Variants in GRAMD2A observed in about 807,000 individuals in gnomAD.
GRAMD2A encodes GRAM domain containing 2A.
GRAMD2A carries 37 observed loss-of-function variants against 51.1 expected under a neutral mutation model. The ratio of observed to expected loss-of-function variants is 0.72; its 90% CI spans 0.56 to 0.95. The LOEUF (loss-of-function observed/expected upper bound fraction) is 0.95. GRAMD2A is among the 40% of genes least tolerant of loss of function. The pLI, the probability that GRAMD2A is intolerant of heterozygous loss-of-function variation, is 0.00. For missense variants in GRAMD2A, 414 were observed against 426.9 expected, an observed-to-expected ratio of 0.97 and a Z score of 0.27; for synonymous variants, 136 against 157.1, an observed-to-expected ratio of 0.87 and a Z score of 1.01.
chr15:72,189,409 A>T (rs1454183184), intron 1 of GRAMD2A, among the ~76,000 whole-genome samples: 1 of 152,242 alleles, frequency 6.6e-6, no homozygotes, highest in Non-Finnish European at 1.5e-5. Context: ...GATGGATTAT[A>T]TCAATGTCAA....
chr15:72,191,107 C>A (rs557515016), intron 1 of GRAMD2A, among the ~76,000 whole-genome samples: 1 of 152,284 alleles, frequency 6.6e-6, no homozygotes, highest in East Asian at 1.9e-4. Flanking sequence ...GCCCATACCA[C>A]GATTTTGAAA....
At chr15:72,163,521 G>A (rs749728138) in intron 9 of GRAMD2A, 45 bp from the exon 10 acceptor site, 1 of 1,600,484 alleles carries the variant, frequency 6.2e-7, no homozygotes, top group Non-Finnish European at 8.5e-7. Context: ...CAGAAGCCCT[G>A]CTGGCTGTGG....
chr15:72,165,419 G>T lies in GRAMD2A; in HGVS notation c.544-9C>A. 6.2e-7 allele frequency: 1 copy of T among 1,613,884 alleles called. No homozygotes were observed. The highest frequency in any genetic ancestry group is 1.7e-5 in the Admixed American group (1 of 60,026). ...CTCTTCTTGCTGGAAGGCTGAGGAG[G>T]AAAGGGAACAGCAGTCACTTGTCCA... On this transcript the variant is annotated splice_polypyrimidine_tract_variant and intron_variant, in intron 7 of 11. Transcript: ENST00000309731.
intron 1 of GRAMD2A, among the ~76,000 whole-genome samples, chr15:72,184,258 G>A (rs982360789): frequency 6.6e-6 from 1 of 152,204 alleles, no homozygotes; most frequent in Non-Finnish European, 1.5e-5. Context: ...TATTTTCTGC[G>A]CCTGCCTTGG....
At position 72,170,012 on chromosome 15, in the gene GRAMD2A, C is replaced by A. The variant is rs1596684522; in HGVS notation, c.42-73G>T. 1.3e-5 allele frequency: 14 copies of A among 1,072,036 alleles called. No individual in the cohort carries two copies. In the East Asian group the frequency reaches 3.3e-4, roughly 25 times the overall value. The allele number at this position is 1,072,036 out of a possible 1,614,324, so 66.4% of individuals were successfully genotyped here. Reference sequence around the variant, plus strand: ...CTTTCCCTAACAGCCCCACCATGCCCATGGCCGCTGCCTCTGGCCCCCACC... The same window carrying A: ...CTTTCCCTAACAGCCCCACCATGCCAATGGCCGCTGCCTCTGGCCCCCACC... On this transcript the variant is annotated intron_variant, in intron 1 of 11. Transcript: ENST00000309731. This position sits in a 1 kb window ranked among gnomAD's most constrained non-coding sequence, Gnocchi z 4.5.
intron 8 of GRAMD2A, among the ~76,000 whole-genome samples, chr15:72,165,133 T>C (rs957447091): frequency 6.6e-6 from 1 of 152,110 alleles, no homozygotes; most frequent in Non-Finnish European, 1.5e-5. Flanking sequence ...AGCAAGACTC[T>C]GTCGTCCAAA....
chr15:72,194,125 T>C (rs1048620563), intron 1 of GRAMD2A, among the ~76,000 whole-genome samples: 11 of 152,182 alleles, frequency 7.2e-5, no homozygotes, highest in Non-Finnish European at 1.5e-4. Context: ...TCCAGGTGAA[T>C]AGCGCACAGT....
At chr15:72,179,703 G>A (rs1213427557) in intron 1 of GRAMD2A, among the ~76,000 whole-genome samples, 1 of 152,198 alleles carries the variant, frequency 6.6e-6, no homozygotes, top group Non-Finnish European at 1.5e-5. Flanking sequence ...AGTCTGGGGT[G>A]GGGCTGGGGA....
intron 1 of GRAMD2A, among the ~76,000 whole-genome samples, chr15:72,183,096 C>T (rs780989468): frequency 6.6e-6 from 1 of 152,004 alleles, no homozygotes; most frequent in South Asian, 2.1e-4. Flanking sequence ...TGGTCTCAAA[C>T]TTCTGGCCTC....
intron 1 of GRAMD2A, among the ~76,000 whole-genome samples, chr15:72,171,098 C>G (rs1477370106): frequency 6.6e-6 from 1 of 152,208 alleles, no homozygotes; most frequent in Non-Finnish European, 1.5e-5. Flanking sequence ...TGACCTCACC[C>G]ACAAAATCAG....
chr15:72,191,682 T>C (rs893981533), intron 1 of GRAMD2A, among the ~76,000 whole-genome samples: 3 of 152,184 alleles, frequency 2.0e-5, no homozygotes, highest in African/African-American at 7.2e-5. Flanking sequence ...AAGCACACAA[T>C]ACCATCAGAA....
chr15:72,166,961 A>C lies in GRAMD2A; in HGVS notation c.471+33T>G. ...GGGCTGTCAGGGCTGGGAGCGGGAG[A>C]CTGACAAGGGAGCATGGGCCCAGTG... On this transcript the variant is annotated intron_variant, in intron 6 of 11. Transcript: ENST00000309731. The surrounding 1 kb of genome is among the most constrained non-coding windows in gnomAD (Gnocchi z 4.1). The C allele has an allele frequency of 1.3e-6, 2 of 1,533,084 alleles. No homozygotes were observed. The highest frequency in any genetic ancestry group is 1.1e-5 in the South Asian group (1 of 89,506). 95.0% of individuals were successfully genotyped at this position (1,533,084 alleles called of 1,614,324 possible).
rs143161369 is a variant in GRAMD2A, at chr15:72,168,594, A to G, written c.193-28T>C. 4.5e-4 allele frequency: 712 copies of G among 1,597,626 alleles called. 1 individual carries two copies. Among genetic ancestry groups the G allele is most frequent in the Non-Finnish European group, 5.7e-4 (666 of 1,165,488 alleles). ...GCAAACACACAGGCTGCGTCTGAGA[A>G]GCGCTGGGAGATGAGACCGCCAAAG... is the stretch of plus-strand genomic sequence containing the variant. On this transcript the variant is annotated intron_variant, in intron 3 of 11. Coordinates refer to ENST00000309731, the MANE Select transcript of GRAMD2A (RefSeq NM_001012642.3).
At chr15:72,183,627 T>A (rs1244134994) in intron 1 of GRAMD2A, among the ~76,000 whole-genome samples, 1 of 149,644 alleles carries the variant, frequency 6.7e-6, no homozygotes. Context: ...ATCGGCAGTT[T>A]GAGACCAGCC....
intron 1 of GRAMD2A, among the ~76,000 whole-genome samples, chr15:72,191,374 A>AT (rs1316337690): frequency 2.6e-5 from 4 of 151,710 alleles, no homozygotes; most frequent in African/African-American, 7.3e-5. Context: ...TAATTTTTGT[A>AT]TTTTTTTTAG....
chr15:72,162,283 G>A lies in GRAMD2A; in HGVS notation c.1051C>T (p.Pro351Ser). 6.2e-7 allele frequency: 1 copy of A among 1,612,128 alleles called. No individual in the cohort carries two copies. Among genetic ancestry groups the A allele is most frequent in the East Asian group, 2.2e-5 (1 of 44,870 alleles). ...GAGAAAAGGCCTCACCTGTGCCCAG[G>A]GACTGGGTCATCCCAACTCAAGGAG... ...LCSLSWDDPV[P>S]GHR The change falls in exon 11 of 12, where the codon CCT (proline) becomes TCT (serine). Residue 351 changes from proline (P) to serine (S), a missense_variant. Transcript: ENST00000309731.
chr15:72,178,516 G>A (rs1455679575), intron 1 of GRAMD2A, among the ~76,000 whole-genome samples: 1 of 151,418 alleles, frequency 6.6e-6, no homozygotes, highest in Non-Finnish European at 1.5e-5. Flanking sequence ...GAAGATAAAA[G>A]GTAATTTCCT....
intron 8 of GRAMD2A, 24 bp from the exon 9 acceptor site, chr15:72,163,781 T>A: frequency 6.2e-7 from 1 of 1,605,884 alleles, no homozygotes; most frequent in Non-Finnish European, 8.5e-7. Flanking sequence ...GGAGAAGCTA[T>A]CTTACCATGG....
At position 72,167,756 on chromosome 15, in the gene GRAMD2A, G is replaced by C. The variant is rs761370019; in HGVS notation, c.352C>G (p.Leu118Val). The C allele has an allele frequency of 2.5e-6, 4 of 1,613,552 alleles. No individual in the cohort carries two copies. In the South Asian group the frequency reaches 4.4e-5, roughly 18 times the overall value. The change falls in exon 5 of 12, where the codon CTC becomes GTC. Residue 118 changes from leucine to valine, a missense_variant. Physicochemically the swap from Leu to Val is conservative, Grantham distance 32. Coordinates refer to ENST00000309731, the MANE Select transcript of GRAMD2A (RefSeq NM_001012642.3). ...SPNWLCFHAS[L>V]FGKDIKVVIP... ...ACTACCTTGATATCCTTGCCAAAGA[G>C]GCTGGCATGGAAGCAGAGCCAGTTG...
Sources: gnomAD v4.1 joint callset for allele counts (sites outside exome capture counted in the v4.1 genomes callset) on GRCh38, gnomAD v4.1.1 for gene constraint, Gnocchi (gnomAD v3.1) non-coding constraint, MANE v1.5 for transcripts, NCBI Gene and HGNC (gene_info 2026-07-23, HGNC 2026-07-21) for gene names.